CCDC6: variants seen among roughly 807,000 people sequenced by gnomAD.
CCDC6 encodes the protein coiled-coil domain-containing protein 6.
Under a neutral mutation model 56.6 loss-of-function variants are expected in CCDC6, and 20 were observed. The observed-to-expected ratio is 0.35, with a 90% CI of 0.25 to 0.51. The LOEUF is 0.51. Ranked by LOEUF, CCDC6 falls within the 20% of genes least tolerant of loss-of-function variation. CCDC6 has a pLI of 0.95. For missense variants in CCDC6, 367 were observed against 601.1 expected (o/e 0.61, Z 4.07); for synonymous variants, 241 against 234.4 (o/e 1.03, Z -0.26).
intron 3 of CCDC6, among the ~76,000 whole-genome samples, chr10:59,831,443 A>C (rs1009952226): frequency 1.3e-5 from 2 of 152,226 alleles, no homozygotes; most frequent in African/African-American, 2.4e-5. Context: ...TTTCATTCTC[A>C]GGTAAAATAT....
At position 59,894,798 on chromosome 10, in the gene CCDC6, G is replaced by A. The variant is rs1589064931; in HGVS notation, c.303+11324C>T. On this transcript the variant is annotated intron_variant, in intron 1 of 8. Transcript: ENST00000263102. Reference sequence around the variant, plus strand: ...CCCAACTGGAGGGCAACTGAGCCAGGAAGGGGAGCACAGACTGTCCCCCAT... The same window carrying A: ...CCCAACTGGAGGGCAACTGAGCCAGAAAGGGGAGCACAGACTGTCCCCCAT... Among the ~76,000 whole-genome samples, 6 of 152,256 alleles carry A rather than the reference G, an allele frequency of 3.9e-5. 1 individual carries two copies. Among genetic ancestry groups the A allele is most frequent in the Admixed American group, 3.9e-4 (6 of 15,294 alleles).
At chr10:59,856,303 C>T (rs193243331) in intron 1 of CCDC6, among the ~76,000 whole-genome samples, 10 of 133,316 alleles carry the variant, frequency 7.5e-5, no homozygotes, top group Admixed American at 6.4e-4. Flanking sequence ...AGCATATAAA[C>T]GAGTACAAAG....
chr10:59,851,927 GA>G (rs386361848), intron 2 of CCDC6, among the ~76,000 whole-genome samples: 6 of 151,648 alleles, frequency 4.0e-5, no homozygotes, highest in Middle Eastern at 3.4e-3. Context: ...TTGAAAGGGG[GA>G]AAAAAAAGGA....
At chr10:59,869,412 A>AAAC (rs2071207344) in intron 1 of CCDC6, among the ~76,000 whole-genome samples, 2 of 92,182 alleles carry the variant, frequency 2.2e-5, no homozygotes, top group Non-Finnish European at 4.2e-5. Context: ...AAAAAAAAAA[A>AAAC]AAAAAAACAG....
chr10:59,884,782 G>C (rs1175966654), intron 1 of CCDC6, among the ~76,000 whole-genome samples: 2 of 152,348 alleles, frequency 1.3e-5, no homozygotes, highest in Non-Finnish European at 2.9e-5. Context: ...GGCATAAGGT[G>C]GCCCGGTGCA....
chr10:59,803,300 C>T (rs915519424), intron 7 of CCDC6, among the ~76,000 whole-genome samples: 1 of 151,800 alleles, frequency 6.6e-6, no homozygotes, highest in Non-Finnish European at 1.5e-5. Context: ...TAGACTTTAA[C>T]TTTTGATTGC....
intron 2 of CCDC6, among the ~76,000 whole-genome samples, chr10:59,849,711 TGTGA>T (rs1487046674): frequency 6.6e-6 from 1 of 152,210 alleles, no homozygotes; most frequent in Non-Finnish European, 1.5e-5. Context: ...CCCATTTGTC[TGTGA>T]GTGACACTTG....
intron 1 of CCDC6, among the ~76,000 whole-genome samples, chr10:59,902,239 C>T (rs1444561419): frequency 6.6e-6 from 1 of 152,146 alleles, no homozygotes; most frequent in Non-Finnish European, 1.5e-5. Flanking sequence ...TAGCCGCTTA[C>T]ATACCAGAAG....
intron 1 of CCDC6, among the ~76,000 whole-genome samples, chr10:59,876,691 C>A (rs560020413): frequency 6.6e-6 from 1 of 150,588 alleles, no homozygotes; most frequent in South Asian, 2.1e-4. Context: ...ATACAGAACT[C>A]TTGAATAAAA....
chr10:59,847,623 C>CA (rs1341748915), intron 2 of CCDC6, among the ~76,000 whole-genome samples: 1 of 152,038 alleles, frequency 6.6e-6, no homozygotes, highest in Admixed American at 6.6e-5. Context: ...GAGGTGGTTT[C>CA]AAAAGGTAAG....
intron 2 of CCDC6, among the ~76,000 whole-genome samples, chr10:59,841,670 TG>T (rs1564746327): frequency 1.4e-4 from 20 of 142,418 alleles, no homozygotes; most frequent in Non-Finnish European, 2.1e-4. Flanking sequence ...TTGTTTTTTT[TG>T]TTTGTTTTTT....
At chr10:59,795,148 AC>A (rs926039246) in intron 7 of CCDC6, among the ~76,000 whole-genome samples, 1 of 152,090 alleles carries the variant, frequency 6.6e-6, no homozygotes, top group Non-Finnish European at 1.5e-5. Context: ...CGCTAAGGAA[AC>A]TTTCAGTCAA....
At chr10:59,835,776 G>A (rs569315502) in intron 2 of CCDC6, among the ~76,000 whole-genome samples, 17 of 152,224 alleles carry the variant, frequency 1.1e-4, no homozygotes, top group African/African-American at 3.1e-4. Context: ...AGAGAAACAC[G>A]GCCAGGCACA....
Position 59,789,929 on chromosome 10 carries a change from G to GTA in CCDC6, c.*2986_*2987dup, listed in dbSNP as rs1433615655. On this transcript the variant is annotated 3_prime_UTR_variant, in exon 9 of 9. Transcript: ENST00000263102. ...GTTAGAAGCCAATTACAAAGGGACAGTAGCACTTGGTGTCAAAGCCACTTT... is the reference window on the plus strand; with the variant it reads ...GTTAGAAGCCAATTACAAAGGGACAGTATAGCACTTGGTGTCAAAGCCACTTT... 7.4e-5 allele frequency: 16 copies of GTA among 217,402 alleles called. No homozygotes were observed. The highest frequency in any genetic ancestry group is 3.5e-4 in the Admixed American group (6 of 17,224). 13.5% of individuals were successfully genotyped at this position (217,402 alleles called of 1,614,324 possible).
In CCDC6 at chr10:59,844,709, C is replaced by T. The variant is rs1036814764; in HGVS notation, c.453+7844G>A. Among the ~76,000 whole-genome samples the T allele has an allele frequency of 2.0e-5, 3 of 147,684 alleles. No homozygotes were observed. The South Asian group carries it at 6.5e-4, about 32-fold the overall frequency. ...CCCAAGAGACGGAGGTTGCAGTGAG[C>T]CAAGATCATGCCAGCCTGGGCAACA... On this transcript the variant is annotated intron_variant, in intron 2 of 8. Transcript: ENST00000263102.
In CCDC6 at chr10:59,874,704, G is replaced by T. The variant is rs1486858908; in HGVS notation, c.304-22002C>A. Among the ~76,000 whole-genome samples, 16 of 145,450 alleles carry T rather than the reference G, an allele frequency of 1.1e-4. No homozygotes were observed. In the Admixed American group the frequency reaches 1.1e-3, roughly 10 times the overall value. ...TCTGAATGGGACCCGTATAATCACA[G>T]AGGTCCTTTAAAATGGAAAATGGAG... On this transcript the variant is annotated intron_variant, in intron 1 of 8. Coordinates refer to ENST00000263102, the MANE Select transcript of CCDC6 (RefSeq NM_005436.5).
chr10:59,794,778 T>C (rs1294886226), intron 7 of CCDC6, among the ~76,000 whole-genome samples, 181 bp from the exon 8 acceptor site: 1 of 152,110 alleles, frequency 6.6e-6, no homozygotes, highest in East Asian at 1.9e-4. Flanking sequence ...ATTCCTAGGA[T>C]AGAACAGAGA....
chr10:59,891,849 T>A (rs1321139180), intron 1 of CCDC6, among the ~76,000 whole-genome samples: 1 of 152,134 alleles, frequency 6.6e-6, no homozygotes, highest in Non-Finnish European at 1.5e-5. Flanking sequence ...CAAAAGTCAA[T>A]ACAACCAAAA....
chr10:59,890,661 C>A (rs1036802617), intron 1 of CCDC6, among the ~76,000 whole-genome samples: 5 of 152,098 alleles, frequency 3.3e-5, no homozygotes, highest in Non-Finnish European at 7.3e-5. Flanking sequence ...AGCTAAATTG[C>A]CCCAGGTTCA....
Sources: allele counts gnomAD v4.1 joint callset (sites outside exome capture counted in the v4.1 genomes callset), GRCh38; gene constraint gnomAD v4.1.1; transcripts MANE v1.5; gene names NCBI Gene and HGNC (gene_info 2026-07-23, HGNC 2026-07-21).